The following BMPR1B variants were observed in gnomAD, a reference collection of about 807,000 sequenced individuals.
BMPR1B encodes bone morphogenetic protein receptor type-1B.
BMPR1B carries 12 observed loss-of-function variants against 59.1 expected under a neutral mutation model. The observed-to-expected ratio is 0.20, with a 90% CI of 0.13 to 0.33. BMPR1B has a LOEUF of 0.33. Among genes scored for constraint, BMPR1B ranks in the 10% least tolerant of loss-of-function variants. The probability of loss-of-function intolerance (pLI) is 1.00; values close to 1 mark genes in which losing one functional copy is unlikely to be tolerated. For missense variants in BMPR1B, 550 were observed against 610.9 expected (o/e 0.90, Z 1.05); for synonymous variants, 237 against 207.3 (o/e 1.14, Z -1.23).
At chr4:95,139,944 C>T (rs543474117) in intron 10 of BMPR1B, among the ~76,000 whole-genome samples, 36 of 152,216 alleles carry the variant, frequency 2.4e-4, no homozygotes, top group African/African-American at 7.2e-4. Flanking sequence ...ACCCACTGTC[C>T]GACAGGCCCC....
rs772766219 is a variant in BMPR1B, at chr4:95,114,816, G to A, written c.240G>A (p.Gln80=). The change falls in exon 5 of 13, where the codon CAG becomes CAA. Residue 80 remains glutamine, a synonymous_variant. Transcript: ENST00000515059. ...TAGGACTAGAAGGCTCAGATTTTCAGTGTCGGGTAAGGTAGATAACTTGAT... is the reference window on the plus strand; with the variant it reads ...TAGGACTAGAAGGCTCAGATTTTCAATGTCGGGTAAGGTAGATAACTTGAT... The part of the protein sequence containing the change: ...GCLGLEGSDF[Q]CRDTPIPHQR... 1 of 1,607,692 alleles carries A rather than the reference G, an allele frequency of 6.2e-7. No homozygotes were observed. Among genetic ancestry groups the A allele is most frequent in the Non-Finnish European group, 8.5e-7 (1 of 1,174,252 alleles).
intron 1 of BMPR1B, among the ~76,000 whole-genome samples, chr4:94,848,065 C>T (rs997725142): frequency 2.0e-5 from 3 of 151,682 alleles, no homozygotes; most frequent in African/African-American, 7.3e-5. Context: ...TATGTGCCTA[C>T]AAAAATTAAA....
chr4:94,854,597 G>A (rs1039808914), intron 1 of BMPR1B, among the ~76,000 whole-genome samples: 3 of 152,108 alleles, frequency 2.0e-5, no homozygotes, highest in Admixed American at 6.5e-5. Flanking sequence ...TATGTAAAAT[G>A]CAGTAAGGTT....
chr4:94,927,878 A>C (rs1260467207), intron 2 of BMPR1B, among the ~76,000 whole-genome samples: 2 of 152,096 alleles, frequency 1.3e-5, no homozygotes, highest in African/African-American at 2.4e-5. Context: ...TAATGTAAAG[A>C]AAGAGACCAT....
chr4:94,912,207 A>G (rs1460383031), intron 2 of BMPR1B, among the ~76,000 whole-genome samples: 1 of 152,138 alleles, frequency 6.6e-6, no homozygotes, highest in Non-Finnish European at 1.5e-5. Context: ...CTCCAACAAC[A>G]TATGGGAATT....
At position 95,048,895 on chromosome 4, in the gene BMPR1B, C is replaced by T. The variant is rs79325893; in HGVS notation, c.-18+52761C>T. ...CTAATATGCCATTTATAGAAGATCC[C>T]CTTCATTGTTGGCACCTAGCATATG... On this transcript the variant is annotated intron_variant, in intron 3 of 12. Coordinates refer to ENST00000515059, the MANE Select transcript of BMPR1B (RefSeq NM_001203.3). 8.7e-3 allele frequency among the ~76,000 whole-genome samples: 1,321 copies of T among 151,938 alleles called. 10 individuals are homozygous for T. Among genetic ancestry groups the T allele is most frequent in the Non-Finnish European group, 0.014 (938 of 67,956 alleles).
intron 1 of BMPR1B, among the ~76,000 whole-genome samples, chr4:94,776,495 T>A (rs968062575): frequency 2.6e-5 from 4 of 152,238 alleles, no homozygotes; most frequent in Non-Finnish European, 5.9e-5. Context: ...CACGAAGTAC[T>A]CTTATTCTCT....
At chr4:95,074,622 T>A (rs1051768391) in intron 3 of BMPR1B, among the ~76,000 whole-genome samples, 1 of 152,116 alleles carries the variant, frequency 6.6e-6, no homozygotes, top group African/African-American at 2.4e-5. Context: ...GGTTCTAATA[T>A]GATACAAATA....
chr4:94,770,961 C>T (rs1258556930), intron 1 of BMPR1B, among the ~76,000 whole-genome samples: 1 of 151,010 alleles, frequency 6.6e-6, no homozygotes, highest in Non-Finnish European at 1.5e-5. Context: ...CTTCCGTGAC[C>T]TTATACTTTA....
chr4:94,813,510 T>C (rs1465242906), intron 1 of BMPR1B, among the ~76,000 whole-genome samples: 1 of 151,968 alleles, frequency 6.6e-6, no homozygotes, highest in African/African-American at 2.4e-5. Flanking sequence ...GAGGGGAGCC[T>C]GGAAAGAGAT....
At chr4:95,071,768 T>G (rs1011568733) in intron 3 of BMPR1B, among the ~76,000 whole-genome samples, 1 of 151,288 alleles carries the variant, frequency 6.6e-6, no homozygotes, top group African/African-American at 2.4e-5. Context: ...GGGCCTGAGA[T>G]ACTTCAGATT....
chr4:94,852,450 G>C (rs1284892347), intron 1 of BMPR1B, among the ~76,000 whole-genome samples: 3 of 152,032 alleles, frequency 2.0e-5, no homozygotes, highest in African/African-American at 7.2e-5. Flanking sequence ...AAATTGATAA[G>C]CTATATTTTA....
rs552382545 is a variant in BMPR1B at position 95,114,514 on chromosome 4, T to G, written c.144-206T>G. On this transcript the variant is annotated intron_variant, in intron 4 of 12. Transcript: ENST00000515059. ...ACAAGTTTCTGGACAAAGGAGATAT[T>G]ACAAAATGTTTTTATGTTTATTAAA... Among the ~76,000 whole-genome samples the G allele has an allele frequency of 3.0e-4, 45 of 152,292 alleles. No homozygotes were observed. The South Asian group carries it at 8.7e-3, about 29-fold the overall frequency.
chr4:94,953,396 T>A (rs1022682756), intron 2 of BMPR1B, among the ~76,000 whole-genome samples: 1 of 152,126 alleles, frequency 6.6e-6, no homozygotes, highest in Admixed American at 6.5e-5. Flanking sequence ...CAGTGGCTGG[T>A]ACCGGTTTTT....
chr4:94,847,170 G>A (rs1317521729), intron 1 of BMPR1B, among the ~76,000 whole-genome samples: 1 of 152,082 alleles, frequency 6.6e-6, no homozygotes, highest in Non-Finnish European at 1.5e-5. Context: ...ATGGCAAACA[G>A]GTATATAAAA....
intron 1 of BMPR1B, among the ~76,000 whole-genome samples, chr4:94,819,466 T>C (rs1724126716): frequency 6.6e-6 from 1 of 151,942 alleles, no homozygotes; most frequent in Non-Finnish European, 1.5e-5. Flanking sequence ...GGAGTTTTGA[T>C]GGGAGTGTCC....
chr4:94,900,748 A>G (rs1727779344), intron 2 of BMPR1B, among the ~76,000 whole-genome samples: 1 of 151,984 alleles, frequency 6.6e-6, no homozygotes. Flanking sequence ...AATTTTGTTA[A>G]TTTTGTTATG....
At chr4:95,102,862 A>C (rs565408642) in intron 3 of BMPR1B, among the ~76,000 whole-genome samples, 1 of 152,078 alleles carries the variant, frequency 6.6e-6, no homozygotes, top group East Asian at 1.9e-4. Context: ...AGTGGAGTCT[A>C]CAAGTAATTT....
chr4:94,999,334 A>G (rs1020761752), intron 3 of BMPR1B, among the ~76,000 whole-genome samples: 15 of 152,086 alleles, frequency 9.9e-5, no homozygotes, highest in African/African-American at 3.4e-4. Context: ...GATTCATTAG[A>G]TTGAAGGAAA....
Sources: allele counts gnomAD v4.1 joint callset (sites outside exome capture counted in the v4.1 genomes callset), GRCh38; gene constraint gnomAD v4.1.1; transcripts MANE v1.5; gene names NCBI Gene and HGNC (gene_info 2026-07-23, HGNC 2026-07-21).